The following SPATA31H1 variants were observed in gnomAD, a reference collection of about 807,000 sequenced individuals.
SPATA31H1 encodes spermatogenesis-associated protein 31H1.
the SPATA31H1 span, chr2:27,576,220 A>G: frequency 2.5e-6 from 1 of 405,470 alleles, no homozygotes; most frequent in Admixed American, 4.1e-5. Flanking sequence ...CCAGGGCCAG[A>G]GCTTCAAGGT....
chr2:27,545,656 C>G, the SPATA31H1 span, among the ~76,000 whole-genome samples: 1 of 149,946 alleles, frequency 6.7e-6, no homozygotes, highest in Admixed American at 6.7e-5. Context: ...GTTCACGCAA[C>G]CTCTGCCTCC....
At chr2:27,571,053 A>G in the SPATA31H1 span, 4 of 398,450 alleles carry the variant, frequency 1.0e-5, no homozygotes, top group East Asian at 1.4e-4. Context: ...TAAAGGTTTC[A>G]GATCTGAAAA....
the SPATA31H1 span, among the ~76,000 whole-genome samples, chr2:27,539,157 G>A: frequency 1.4e-5 from 2 of 143,780 alleles, no homozygotes; most frequent in Non-Finnish European, 3.0e-5. Flanking sequence ...TTCTCGCAGA[G>A]GGGGATTTGG....
chr2:27,560,409 C>T, the SPATA31H1 span, among the ~76,000 whole-genome samples: 15 of 151,164 alleles, frequency 9.9e-5, no homozygotes, highest in African/African-American at 3.2e-4. Flanking sequence ...TAATAAAATA[C>T]GATATTTGTG....
the SPATA31H1 span, chr2:27,575,499 A>G: frequency 5.0e-6 from 2 of 398,440 alleles, no homozygotes; most frequent in Non-Finnish European, 8.9e-6. This position sits in a 1 kb window ranked among gnomAD's most constrained non-coding sequence, Gnocchi z 4.1. Flanking sequence ...GCTTCAAGGT[A>G]TACAATCTTT....
chr2:27,578,344 T>C, the SPATA31H1 span: 4 of 1,614,154 alleles, frequency 2.5e-6, no homozygotes, highest in Non-Finnish European at 3.4e-6. Flanking sequence ...GTAAAAACTA[T>C]GTTAATCCCA....
the SPATA31H1 span, chr2:27,572,535 T>C: frequency 2.5e-6 from 1 of 398,286 alleles, no homozygotes; most frequent in Admixed American, 4.4e-5. Context: ...ACAGTTGCAG[T>C]GTGTAAAAAC....
chr2:27,574,944 C>T, the SPATA31H1 span: 1 of 398,532 alleles, frequency 2.5e-6, no homozygotes, highest in African/African-American at 2.1e-5. Context: ...TGTGCTCATG[C>T]CTAGGCCAAT....
At chr2:27,537,557 A>C in the SPATA31H1 span, 2 of 717,224 alleles carry the variant, frequency 2.8e-6, no homozygotes, top group African/African-American at 3.5e-5. Context: ...GTGGCAGCCA[A>C]GATAAACTCA....
chr2:27,541,170 C>A, the SPATA31H1 span, among the ~76,000 whole-genome samples: 2 of 151,242 alleles, frequency 1.3e-5, no homozygotes, highest in African/African-American at 2.4e-5. Context: ...GCGGATCACT[C>A]GCGGCTAGGA....
the SPATA31H1 span, among the ~76,000 whole-genome samples, chr2:27,544,005 G>A: frequency 6.6e-6 from 1 of 151,852 alleles, no homozygotes; most frequent in Non-Finnish European, 1.5e-5. Context: ...TGCATTAGGA[G>A]TTCCAAGACC....
chr2:27,566,225 A>T, the SPATA31H1 span: 1 of 710,618 alleles, frequency 1.4e-6, no homozygotes, highest in South Asian at 1.5e-5. Flanking sequence ...AATCTCTCTT[A>T]TTGTTTTCCT....
the SPATA31H1 span, chr2:27,537,657 G>A: frequency 1.5e-6 from 1 of 667,262 alleles, no homozygotes; most frequent in Non-Finnish European, 2.7e-6. Context: ...GGGAGGAACT[G>A]GATGCAGGGA....
chr2:27,578,228 A>G, the SPATA31H1 span: 18 of 1,614,210 alleles, frequency 1.1e-5, no homozygotes, highest in African/African-American at 1.5e-4. Flanking sequence ...TGAGACCTTC[A>G]GAGCACCACA....
the SPATA31H1 span, chr2:27,580,151 T>C: frequency 2.7e-5 from 44 of 1,614,066 alleles, no homozygotes; most frequent in Non-Finnish European, 3.6e-5. Flanking sequence ...GGAGAAGCCC[T>C]ATATCACCAT....
chr2:27,576,145 C>A, the SPATA31H1 span: 1 of 403,004 alleles, frequency 2.5e-6, no homozygotes, highest in African/African-American at 2.1e-5. Flanking sequence ...TGCAAACTTG[C>A]GCCACACTTG....
chr2:27,579,245 T>C, the SPATA31H1 span: 2 of 1,614,218 alleles, frequency 1.2e-6, no homozygotes, highest in East Asian at 4.5e-5. Context: ...ATCTCTCCAC[T>C]ATGCTAATGC....
At chr2:27,576,745 A>C in the SPATA31H1 span, 12 of 1,613,930 alleles carry the variant, frequency 7.4e-6, no homozygotes, top group African/African-American at 1.6e-4. Flanking sequence ...TCACAGCAAC[A>C]GGATGTGAAA....
the SPATA31H1 span, chr2:27,582,512 T>C: frequency 1.9e-6 from 3 of 1,604,334 alleles, no homozygotes; most frequent in Admixed American, 1.7e-5. Flanking sequence ...TGTGGAGGCC[T>C]GAAGCTACTC....
Sources: gnomAD v4.1 joint callset for allele counts (sites outside exome capture counted in the v4.1 genomes callset) on GRCh38, gnomAD v4.1.1 for gene constraint, Gnocchi (gnomAD v3.1) non-coding constraint, MANE v1.5 for transcripts, NCBI Gene and HGNC (gene_info 2026-07-23, HGNC 2026-07-21) for gene names.